The following PLAAT3 variants were observed in gnomAD, a reference collection of about 807,000 sequenced individuals.
The protein encoded by PLAAT3 is phospholipase A and acyltransferase 3.
In PLAAT3, 21 loss-of-function variants were observed where a neutral mutation model predicts 16.7. That is an observed-to-expected ratio of 1.26 (90% CI 0.89 to 1.81). The LOEUF is 1.81. Among genes scored for constraint, PLAAT3 ranks in the 40% most tolerant of loss-of-function variants. The pLI, the probability that PLAAT3 is intolerant of heterozygous loss-of-function variation, is 0.00. For synonymous variants in PLAAT3, 76 were observed against 81.7 expected, an observed-to-expected ratio of 0.93 and a Z score of 0.38; for missense variants, 219 against 213.7, an observed-to-expected ratio of 1.02 and a Z score of -0.16.
intron 2 of PLAAT3, among the ~76,000 whole-genome samples, chr11:63,604,989 T>G (rs1249001525): frequency 6.6e-6 from 1 of 152,174 alleles, no homozygotes; most frequent in Non-Finnish European, 1.5e-5. Context: ...GTGGTTTTTG[T>G]GATAATTTTT....
intron 2 of PLAAT3, among the ~76,000 whole-genome samples, chr11:63,600,106 C>A (rs1200918626): frequency 6.6e-6 from 1 of 152,130 alleles, no homozygotes; most frequent in African/African-American, 2.4e-5. Context: ...CTCAGCCTCC[C>A]AAATAGTTGG....
intron 4 of PLAAT3, among the ~76,000 whole-genome samples, chr11:63,575,742 T>C: frequency 6.6e-6 from 1 of 152,030 alleles, no homozygotes; most frequent in East Asian, 1.9e-4. Flanking sequence ...AAGGCATAAT[T>C]CCACAAGAAT....
intron 2 of PLAAT3, among the ~76,000 whole-genome samples, chr11:63,600,583 G>GTGTTT (rs1938399982): frequency 7.5e-6 from 1 of 132,728 alleles, no homozygotes; most frequent in South Asian, 2.3e-4. Context: ...TGGTTTTTTT[G>GTGTTT]TTTTTTTTGT....
chr11:63,613,942 A>C, intron 2 of PLAAT3, 58 bp downstream of exon 2: 1 of 1,063,168 alleles, frequency 9.4e-7, no homozygotes, highest in Non-Finnish European at 1.5e-6. Flanking sequence ...CGAGACAACG[A>C]GTCCCCACTA....
intron 3 of PLAAT3, among the ~76,000 whole-genome samples, chr11:63,593,958 C>T (rs1001224663): frequency 6.6e-6 from 1 of 152,308 alleles, no homozygotes; most frequent in South Asian, 2.1e-4. Context: ...GGCAGAGAGA[C>T]CAGCCAGAAG....
At chr11:63,585,810 G>C (rs1334177961) in intron 4 of PLAAT3, among the ~76,000 whole-genome samples, 1 of 152,146 alleles carries the variant, frequency 6.6e-6, no homozygotes, top group Non-Finnish European at 1.5e-5. Flanking sequence ...TGTTCAATTT[G>C]CATTGTTTCA....
Position 63,601,055 on chromosome 11 carries a change from ATTT to A in PLAAT3, c.16-2895_16-2893del, listed in dbSNP as rs149796053. 1.5e-4 allele frequency among the ~76,000 whole-genome samples: 22 copies of A among 145,146 alleles called. No individual in the cohort carries two copies. In the East Asian group the frequency reaches 1.6e-3, roughly 10 times the overall value. On this transcript the variant is annotated intron_variant, in intron 2 of 4. Transcript: ENST00000415826. ...AAATAAAAATTAAACAAAAAAAAAAATTTTTTTTTTTTTTTTTGAGGCAGAGTC... is the reference window on the plus strand; with the variant it reads ...AAATAAAAATTAAACAAAAAAAAAAATTTTTTTTTTTTTTGAGGCAGAGTC...
intron 4 of PLAAT3, among the ~76,000 whole-genome samples, chr11:63,586,137 T>G (rs1937969958): frequency 6.6e-6 from 1 of 150,918 alleles, no homozygotes; most frequent in African/African-American, 2.5e-5. Flanking sequence ...TGTGTGCACG[T>G]GTATGTGTGT....
chr11:63,597,503 G>A (rs1013665710), intron 3 of PLAAT3, among the ~76,000 whole-genome samples: 3 of 152,162 alleles, frequency 2.0e-5, no homozygotes, highest in African/African-American at 7.2e-5. Context: ...TCCAGCCTGA[G>A]TGACAGAGCA....
At chr11:63,589,015 A>C (rs1938061050) in intron 4 of PLAAT3, among the ~76,000 whole-genome samples, 2 of 152,108 alleles carry the variant, frequency 1.3e-5, no homozygotes, top group Non-Finnish European at 1.5e-5. Context: ...GATAATTTAA[A>C]AAAAAAAAAT....
intron 2 of PLAAT3, among the ~76,000 whole-genome samples, chr11:63,612,492 A>G (rs1938718903): frequency 6.6e-6 from 1 of 152,244 alleles, no homozygotes; most frequent in Non-Finnish European, 1.5e-5. Flanking sequence ...TTTATATGAA[A>G]GCAGCTTTTG....
At chr11:63,604,954 T>C (rs1480342203) in intron 2 of PLAAT3, among the ~76,000 whole-genome samples, 5 of 152,132 alleles carry the variant, frequency 3.3e-5, no homozygotes, top group African/African-American at 7.2e-5. Context: ...ACATTCCCTC[T>C]GGTTTCTGGG....
intron 2 of PLAAT3, among the ~76,000 whole-genome samples, chr11:63,609,683 C>T (rs1318183699): frequency 6.6e-6 from 1 of 152,198 alleles, no homozygotes; most frequent in Non-Finnish European, 1.5e-5. Context: ...AGCAGCTGGC[C>T]TGACACATTA....
At chr11:63,579,521 C>T (rs1937731544) in intron 4 of PLAAT3, among the ~76,000 whole-genome samples, 2 of 152,074 alleles carry the variant, frequency 1.3e-5, no homozygotes, top group South Asian at 4.2e-4. Flanking sequence ...GGCACATATA[C>T]ACCATGGAAT....
intron 2 of PLAAT3, among the ~76,000 whole-genome samples, chr11:63,607,221 G>A (rs764701870): frequency 6.6e-6 from 1 of 152,214 alleles, no homozygotes; most frequent in Admixed American, 6.5e-5. Flanking sequence ...AGGCACTCAC[G>A]CTGGGCAGCG....
rs1483193895 is a variant in PLAAT3 at position 63,614,031 on chromosome 11, G to A, written c.-17C>T. ...CGCACGCATCTTCCCTCGCGGTGTG[G>A]ACCCTCAAGGCCAGGCTCGATTTCG... On this transcript the variant is annotated 5_prime_UTR_variant, in exon 2 of 5. Coordinates refer to ENST00000415826, the MANE Select transcript of PLAAT3 (RefSeq NM_001128203.2). The A allele has an allele frequency of 6.2e-7, 1 of 1,613,102 alleles. No homozygotes were observed. Among genetic ancestry groups the A allele is most frequent in the Non-Finnish European group, 8.5e-7 (1 of 1,179,194 alleles).
intron 2 of PLAAT3, among the ~76,000 whole-genome samples, chr11:63,606,822 G>A (rs1199486065): frequency 6.6e-6 from 1 of 152,212 alleles, no homozygotes; most frequent in Admixed American, 6.5e-5. Context: ...AAGAAAAGCA[G>A]CCGGTCCGGA....
intron 2 of PLAAT3, among the ~76,000 whole-genome samples, chr11:63,605,712 C>T (rs1301547426): frequency 1.3e-5 from 2 of 151,832 alleles, no homozygotes; most frequent in Non-Finnish European, 2.9e-5. Flanking sequence ...GCCACCATGC[C>T]GGGCTAATTT....
chr11:63,599,589 T>C, intron 2 of PLAAT3, among the ~76,000 whole-genome samples: 1 of 152,172 alleles, frequency 6.6e-6, no homozygotes, highest in Non-Finnish European at 1.5e-5. Flanking sequence ...TACAGATAAA[T>C]CATGTTCTTT....
Sources: allele counts gnomAD v4.1 joint callset (sites outside exome capture counted in the v4.1 genomes callset), GRCh38; gene constraint gnomAD v4.1.1; transcripts MANE v1.5; gene names NCBI Gene and HGNC (gene_info 2026-07-23, HGNC 2026-07-21).